The following CHRNB4 variants were observed in gnomAD, a reference collection of about 807,000 sequenced individuals.
CHRNB4 encodes cholinergic receptor nicotinic beta 4 subunit.
A neutral mutation model predicts 40.4 loss-of-function variants in CHRNB4; 23 were observed. The observed-to-expected ratio is 0.57, with a 90% CI of 0.41 to 0.81. The LOEUF (loss-of-function observed/expected upper bound fraction) is 0.81, where lower values mean the gene tolerates loss of function less well. CHRNB4 is among the 30% of genes least tolerant of loss of function. CHRNB4 has a pLI of 0.00. For missense variants in CHRNB4, 568 were observed against 670.6 expected (o/e 0.85, Z 1.69); for synonymous variants, 285 against 274.4 (o/e 1.04, Z -0.38).
intron 1 of CHRNB4, among the ~76,000 whole-genome samples, chr15:78,636,517 C>A (rs776382955): frequency 1.5e-4 from 23 of 152,170 alleles, no homozygotes; most frequent in Non-Finnish European, 3.1e-4. Flanking sequence ...ACCTCTCTAC[C>A]TCTACCCCAG....
upstream of CHRNB4, chr15:78,661,143 G>T: frequency 1.6e-6 from 1 of 623,338 alleles, no homozygotes. Context: ...GCGTTCCTGG[G>T]GCCTTGCCGA....
At chr15:78,630,143 CTT>C (rs34925790) in intron 4 of CHRNB4, among the ~76,000 whole-genome samples, 198 bp from the exon 5 acceptor site, 22 of 143,192 alleles carry the variant, frequency 1.5e-4, no homozygotes, top group Non-Finnish European at 2.6e-4. Context: ...AAGCACCCCC[CTT>C]TTTTTTTTTT....
chr15:78,660,729 G>T (rs79190089), upstream of CHRNB4: 822 of 199,874 alleles, frequency 4.1e-3, 3 homozygotes, highest in Non-Finnish European at 6.0e-3. Flanking sequence ...TGGTGTCTGA[G>T]AGAAGCTTTG....
chr15:78,641,945 T>C (rs1254387037), upstream of CHRNB4, among the ~76,000 whole-genome samples: 5 of 152,358 alleles, frequency 3.3e-5, no homozygotes, highest in South Asian at 4.1e-4. Context: ...CCTCGGGAAC[T>C]GCAGCCTCAA....
intron 6 of CHRNB4, among the ~76,000 whole-genome samples, chr15:78,650,359 G>A (rs901472197): frequency 7.9e-5 from 12 of 152,246 alleles, no homozygotes; most frequent in African/African-American, 2.9e-4. Context: ...TCTGTGGAGT[G>A]AGATGATAGA....
At chr15:78,636,724 C>T (rs1458096058) in intron 1 of CHRNB4, among the ~76,000 whole-genome samples, 2 of 151,982 alleles carry the variant, frequency 1.3e-5, no homozygotes, top group Non-Finnish European at 2.9e-5. Flanking sequence ...GCTGGGACTA[C>T]AGGTGTGCAC....
rs1567111496 is a variant in CHRNB4 at position 78,629,015 on chromosome 15, ACC to A, written c.1288_1289del (p.Gly430CysfsTer11). 1 of 1,614,162 alleles carries A rather than the reference ACC, an allele frequency of 6.2e-7. No homozygotes were observed. Among genetic ancestry groups the A allele is most frequent in the Admixed American group, 1.7e-5 (1 of 60,024 alleles). Reference protein sequence around the residue: ...FRQDVQEALEGVSFIAQHMKN... With the variant: ...FRQDVQEALEXVSFIAQHMKN... ...TCATGTGCTGGGCGATGAAGCTGAC[ACC>A]TTCTAATGCCTCCTGCACATCCTGT... On this transcript the variant is annotated frameshift_variant, in exon 5 of 6. Transcript: ENST00000261751. LOFTEE classifies it high-confidence loss of function. The surrounding 1 kb of genome is among the most constrained non-coding windows in gnomAD (Gnocchi z 6.8).
chr15:78,633,631 GC>G, intron 2 of CHRNB4, among the ~76,000 whole-genome samples: 1 of 152,120 alleles, frequency 6.6e-6, no homozygotes. Flanking sequence ...CATCAGATCT[GC>G]CCCCCTGCAT....
chr15:78,642,038 C>G (rs2054083231), upstream of CHRNB4, among the ~76,000 whole-genome samples: 1 of 152,190 alleles, frequency 6.6e-6, no homozygotes, highest in African/African-American at 2.4e-5. Context: ...TGGGCCCTAA[C>G]AGGCAAATCT....
At chr15:78,660,862 C>G, upstream of CHRNB4, 1 of 349,334 alleles carries the variant, frequency 2.9e-6, no homozygotes, top group South Asian at 2.5e-5. Flanking sequence ...GAGCTCCATC[C>G]AGCTCAGGTG....
intron 5 of CHRNB4, chr15:78,626,341 G>GGGGTGTGTGTGTGTGTGTGTGTGTGT (rs1163704271): frequency 1.3e-5 from 1 of 74,352 alleles, no homozygotes; most frequent in African/African-American, 5.2e-5. Flanking sequence ...TTCAAGCGGG[G>GGGGTGTGTGTGTGTGTGTGTGTGTGT]GTGTGTGTGT....
At chr15:78,634,877 T>C (rs1289181532) in intron 2 of CHRNB4, 2 of 426,318 alleles carry the variant, frequency 4.7e-6, no homozygotes, top group Non-Finnish European at 9.4e-6. Flanking sequence ...CATCCACATA[T>C]GGACAACCTG....
chr15:78,656,696 A>G (rs1363813625), intron 3 of CHRNB4: 1 of 152,230 alleles, frequency 6.6e-6, no homozygotes, highest in Non-Finnish European at 1.5e-5. Context: ...AAAAGCTGAA[A>G]GAAGAGCAGA....
chr15:78,659,420 C>T (rs1338437435), intron 1 of CHRNB4, among the ~76,000 whole-genome samples: 2 of 151,890 alleles, frequency 1.3e-5, no homozygotes, highest in Admixed American at 6.6e-5. Flanking sequence ...AGAGAAAGAC[C>T]GTGTCTCAAA....
Position 78,629,672 on chromosome 15 carries a change from T to G in CHRNB4, c.633A>C (p.Thr211=). Residue 211 remains threonine, a synonymous_variant, in exon 5 of 6, where the codon ACA becomes ACC. Transcript: ENST00000261751. The surrounding 1 kb of genome is among the most constrained non-coding windows in gnomAD (Gnocchi z 6.8). ...CGTAGCTGGGGTCTTGTGGGTTCACTGTCCTTCTCCCTGGGAGGGCCACTA... is the reference window on the plus strand; with the variant it reads ...CGTAGCTGGGGTCTTGTGGGTTCACGGTCCTTCTCCCTGGGAGGGCCACTA... ...WDIVALPGRR[T]VNPQDPSYVD... 6.2e-7 allele frequency: 1 copy of G among 1,614,168 alleles called. No individual in the cohort carries two copies.
chr15:78,661,435 G>T, upstream of CHRNB4: 1 of 514,882 alleles, frequency 1.9e-6, no homozygotes. Context: ...CAGAGTGACC[G>T]GTTGGTGCGA....
upstream of CHRNB4, chr15:78,660,689 T>C: frequency 5.2e-6 from 1 of 193,464 alleles, no homozygotes; most frequent in East Asian, 1.4e-4. Flanking sequence ...CAGCCTTCGA[T>C]GCAGGAAATA....
chr15:78,650,811 G>A (rs1408550205), intron 6 of CHRNB4, among the ~76,000 whole-genome samples: 2 of 152,182 alleles, frequency 1.3e-5, no homozygotes, highest in Non-Finnish European at 2.9e-5. Flanking sequence ...ATCCACCTCT[G>A]CAGAGATAAG....
chr15:78,653,224 T>C (rs1319909565), intron 5 of CHRNB4, among the ~76,000 whole-genome samples: 1 of 152,198 alleles, frequency 6.6e-6, no homozygotes, highest in Non-Finnish European at 1.5e-5. Flanking sequence ...TAACTAATGA[T>C]GTGTACTTCC....
Sources: gnomAD v4.1 joint callset for allele counts (sites outside exome capture counted in the v4.1 genomes callset) on GRCh38, gnomAD v4.1.1 for gene constraint, Gnocchi (gnomAD v3.1) non-coding constraint, MANE v1.5 for transcripts, NCBI Gene and HGNC (gene_info 2026-07-23, HGNC 2026-07-21) for gene names.